Variants in PKN2 observed in about 807,000 individuals in gnomAD.
The protein encoded by PKN2 is protein kinase N2.
PKN2 carries 38 observed loss-of-function variants against 119.1 expected under a neutral mutation model. That is an observed-to-expected ratio of 0.32 (90% CI 0.25 to 0.42). PKN2 has a LOEUF of 0.42. Among genes scored for constraint, PKN2 ranks in the 10% least tolerant of loss-of-function variants. The pLI, the probability that PKN2 is intolerant of heterozygous loss-of-function variation, is 1.00. For synonymous variants in PKN2, 390 were observed against 384.9 expected, an observed-to-expected ratio of 1.01 and a Z score of -0.15; for missense variants, 850 against 1,165.1, an observed-to-expected ratio of 0.73 and a Z score of 3.94.
At chr1:88,689,793 A>T (rs1269482996) in intron 1 of PKN2, among the ~76,000 whole-genome samples, 1 of 152,046 alleles carries the variant, frequency 6.6e-6, no homozygotes. Context: ...CCTTGGTGAC[A>T]GAGTGAGAAC....
intron 8 of PKN2, among the ~76,000 whole-genome samples, chr1:88,803,306 T>C (rs1037728061): frequency 5.9e-5 from 9 of 152,322 alleles, no homozygotes; most frequent in African/African-American, 2.2e-4. Flanking sequence ...ATCAACTAGA[T>C]ATATAATTTA....
At chr1:88,829,280 G>A (rs2100932663) in intron 19 of PKN2, 7 of 643,506 alleles carry the variant, frequency 1.1e-5, no homozygotes, top group South Asian at 9.4e-5. Context: ...AACCAATGAG[G>A]TCAATTTGAG....
At chr1:88,817,913 G>T (rs184198574) in intron 16 of PKN2, among the ~76,000 whole-genome samples, 53 of 152,262 alleles carry the variant, frequency 3.5e-4, no homozygotes, top group African/African-American at 1.2e-3. Flanking sequence ...TATTAAAATA[G>T]GAAGAAAGGA....
chr1:88,745,667 A>G (rs1668741332), intron 2 of PKN2, among the ~76,000 whole-genome samples: 1 of 152,150 alleles, frequency 6.6e-6, no homozygotes, highest in Admixed American at 6.5e-5. Flanking sequence ...ATACTACCCA[A>G]TGTGATCTAC....
At chr1:88,797,246 A>G (rs1671110481) in intron 8 of PKN2, among the ~76,000 whole-genome samples, 1 of 152,064 alleles carries the variant, frequency 6.6e-6, no homozygotes, top group Non-Finnish European at 1.5e-5. Flanking sequence ...AGGCAGGAGA[A>G]TCACTTGAAC....
Position 88,684,426 on chromosome 1 carries a change from CG to C in PKN2, c.-154del. Reference sequence around the variant, plus strand: ...TCTCGATGAACCGGACGGAATAAGCCGCGCCTCCAGCAGGGGCTGCGCCTCC... The same window carrying C: ...TCTCGATGAACCGGACGGAATAAGCCCGCCTCCAGCAGGGGCTGCGCCTCC... On this transcript the variant is annotated 5_prime_UTR_variant, in exon 1 of 22. Coordinates refer to ENST00000370521, the MANE Select transcript of PKN2 (RefSeq NM_006256.4). 1.6e-6 allele frequency: 1 copy of C among 644,644 alleles called. No individual in the cohort carries two copies. Among genetic ancestry groups the C allele is most frequent in the Non-Finnish European group, 2.5e-6 (1 of 393,464 alleles). 39.9% of individuals were successfully genotyped at this position (644,644 alleles called of 1,614,324 possible).
Position 88,754,291 on chromosome 1 carries a change from A to G in PKN2, c.350-5931A>G, listed in dbSNP as rs142434066. Among the ~76,000 whole-genome samples, 25 of 151,922 alleles carry G rather than the reference A, an allele frequency of 1.6e-4. No individual in the cohort carries two copies. In the East Asian group the frequency reaches 4.5e-3, roughly 27 times the overall value. ...CTCTCTTTCTCTTTTTAAAAAACTT[A>G]GCTATTTTTCAGTATTAATCTGCTA... On this transcript the variant is annotated intron_variant, in intron 2 of 21. Transcript: ENST00000370521.
intron 16 of PKN2, among the ~76,000 whole-genome samples, chr1:88,820,038 T>C (rs902379625): frequency 1.3e-5 from 2 of 151,640 alleles, no homozygotes; most frequent in Non-Finnish European, 2.9e-5. Flanking sequence ...AAATACCTAA[T>C]GTAGATGACG....
intron 1 of PKN2, among the ~76,000 whole-genome samples, chr1:88,698,842 T>G (rs559063277): frequency 1.3e-5 from 2 of 152,332 alleles, no homozygotes; most frequent in Admixed American, 6.5e-5. Flanking sequence ...ACTTCTGTTT[T>G]CCCTTCTTCA....
intron 1 of PKN2, among the ~76,000 whole-genome samples, chr1:88,735,461 C>G (rs1159669308): frequency 9.1e-6 from 1 of 109,608 alleles, no homozygotes; most frequent in Admixed American, 9.1e-5. Flanking sequence ...TGTTCCTGGC[C>G]TATTTTTTTT....
At chr1:88,729,736 G>T (rs1434440288) in intron 1 of PKN2, among the ~76,000 whole-genome samples, 1 of 152,102 alleles carries the variant, frequency 6.6e-6, no homozygotes, top group African/African-American at 2.4e-5. Context: ...CATGTGGAAG[G>T]GTGTGAATGC....
chr1:88,747,351 A>T (rs958251590), intron 2 of PKN2, among the ~76,000 whole-genome samples: 1 of 152,202 alleles, frequency 6.6e-6, no homozygotes, highest in East Asian at 1.9e-4. Flanking sequence ...GTAATGAAAC[A>T]TCACATTATA....
chr1:88,819,718 T>C (rs1672166869), intron 16 of PKN2, among the ~76,000 whole-genome samples: 2 of 152,226 alleles, frequency 1.3e-5, no homozygotes, highest in Non-Finnish European at 2.9e-5. Context: ...CGTATGTTTA[T>C]TGGAGCACTG....
rs117099900 is a variant in PKN2 at position 88,760,166 on chromosome 1, C to T, written c.350-56C>T. 2.7e-4 allele frequency: 266 copies of T among 994,804 alleles called. 1 individual carries two copies. In the East Asian group the frequency reaches 6.7e-3, roughly 25 times the overall value. 61.6% of individuals were successfully genotyped at this position (994,804 alleles called of 1,614,324 possible). A position where few individuals can be genotyped will look rare whatever the true frequency, so the allele number is the denominator to read the frequency against. On this transcript the variant is annotated intron_variant, in intron 2 of 21. Coordinates refer to ENST00000370521, the MANE Select transcript of PKN2 (RefSeq NM_006256.4). The stretch of plus-strand genomic sequence containing the variant: ...TGTTTATTTGAAAAATATTAACTTC[C>T]AATTTTAAGCAGCAATTCATTCTAA...
intron 11 of PKN2, 56 bp downstream of exon 11, chr1:88,805,727 G>T (rs538179355): frequency 7.5e-6 from 12 of 1,602,698 alleles, no homozygotes; most frequent in Non-Finnish European, 9.4e-6. Context: ...ACATTCTTAC[G>T]TACTGATTAT....
At chr1:88,707,497 A>T (rs1312745815) in intron 1 of PKN2, among the ~76,000 whole-genome samples, 1 of 152,156 alleles carries the variant, frequency 6.6e-6, no homozygotes, top group African/African-American at 2.4e-5. Flanking sequence ...CATCACAAAC[A>T]ATGGTATGAC....
intron 17 of PKN2, among the ~76,000 whole-genome samples, chr1:88,822,866 A>G (rs1431271064): frequency 6.6e-6 from 1 of 151,662 alleles, no homozygotes; most frequent in Non-Finnish European, 1.5e-5. Context: ...GTTGTGAGCC[A>G]CCGTGCCCAG....
chr1:88,817,718 A>G lies in PKN2; in HGVS notation c.2279+3985A>G, dbSNP rs944093686. 1.8e-4 allele frequency among the ~76,000 whole-genome samples: 26 copies of G among 145,260 alleles called. No homozygotes were observed. The East Asian group carries it at 4.9e-3, about 28-fold the overall frequency. On this transcript the variant is annotated intron_variant, in intron 16 of 21. Coordinates refer to ENST00000370521, the MANE Select transcript of PKN2 (RefSeq NM_006256.4). The stretch of plus-strand genomic sequence containing the variant: ...AGCGAGACTCCGTCTCAAAAAAAAA[A>G]AAAAGAAAAGAAAAGGCCTTCGATA...
chr1:88,772,611 A>G (rs1048802126), intron 6 of PKN2, among the ~76,000 whole-genome samples: 9 of 152,058 alleles, frequency 5.9e-5, no homozygotes, highest in Non-Finnish European at 1.2e-4. Context: ...TTACCTTTTG[A>G]CTGTTGTGAG....
Sources: gnomAD v4.1 joint callset for allele counts (sites outside exome capture counted in the v4.1 genomes callset) on GRCh38, gnomAD v4.1.1 for gene constraint, MANE v1.5 for transcripts, NCBI Gene and HGNC (gene_info 2026-07-23, HGNC 2026-07-21) for gene names.